Variants in RERG observed in about 807,000 individuals in gnomAD.
RERG encodes ras-related and estrogen-regulated growth inhibitor.
Under a neutral mutation model 23.2 loss-of-function variants are expected in RERG, and 25 were observed. That is an observed-to-expected ratio of 1.08 (90% CI 0.79 to 1.50). RERG has a LOEUF of 1.50. Ranked by LOEUF, RERG falls within the 40% of genes most tolerant of loss-of-function variation. The probability of loss-of-function intolerance (pLI) is 0.00; values close to 1 mark genes in which losing one functional copy is unlikely to be tolerated. For missense variants in RERG, 253 were observed against 250.1 expected, an observed-to-expected ratio of 1.01 and a Z score of -0.08; for synonymous variants, 81 against 89.1, an observed-to-expected ratio of 0.91 and a Z score of 0.51.
At chr12:15,184,535 A>G (rs1271620421) in intron 2 of RERG, among the ~76,000 whole-genome samples, 1 of 152,182 alleles carries the variant, frequency 6.6e-6, no homozygotes, top group African/African-American at 2.4e-5. Context: ...CCCCACTTAC[A>G]CTACATGATC....
chr12:15,151,860 T>C (rs1043651642), intron 2 of RERG: 8 of 152,214 alleles, frequency 5.3e-5, no homozygotes, highest in African/African-American at 1.9e-4. Context: ...ATGAACTGCA[T>C]GCTACCCTTA....
intron 3 of RERG, among the ~76,000 whole-genome samples, chr12:15,119,437 T>C (rs1289873905): frequency 6.6e-6 from 1 of 152,282 alleles, no homozygotes; most frequent in East Asian, 1.9e-4. Flanking sequence ...TTGAGATATA[T>C]GGATACAGCA....
At chr12:15,195,487 A>C (rs1295891209) in intron 2 of RERG, among the ~76,000 whole-genome samples, 1 of 151,528 alleles carries the variant, frequency 6.6e-6, no homozygotes, top group Non-Finnish European at 1.5e-5. Flanking sequence ...AAGATTATGT[A>C]TTCCAGTTCC....
chr12:15,161,198 G>GAAAGAAAGA (rs1864606444), intron 2 of RERG, among the ~76,000 whole-genome samples: 1 of 146,434 alleles, frequency 6.8e-6, no homozygotes, highest in Non-Finnish European at 1.5e-5. Context: ...AAGAAAGAAA[G>GAAAGAAAGA]AAAGAAAGAA....
intron 2 of RERG, among the ~76,000 whole-genome samples, chr12:15,154,873 T>C (rs1415374696): frequency 6.6e-6 from 1 of 152,238 alleles, no homozygotes; most frequent in African/African-American, 2.4e-5. Flanking sequence ...TAATATTTGA[T>C]GGAGGAGCTT....
At chr12:15,158,293 T>C (rs1206916160) in intron 2 of RERG, among the ~76,000 whole-genome samples, 3 of 151,982 alleles carry the variant, frequency 2.0e-5, no homozygotes, top group Non-Finnish European at 2.9e-5. Flanking sequence ...GTTTTTTTGT[T>C]TTTTTTTAGA....
intron 4 of RERG, 79 bp from the exon 5 acceptor site, chr12:15,109,596 G>T: frequency 1.8e-6 from 2 of 1,096,414 alleles, no homozygotes; most frequent in Non-Finnish European, 2.6e-6. Context: ...TGACAGTAAT[G>T]CCTTAATTAC....
chr12:15,179,684 A>G (rs543316526), intron 2 of RERG, among the ~76,000 whole-genome samples: 82 of 152,348 alleles, frequency 5.4e-4, no homozygotes, highest in Middle Eastern at 3.4e-3. Context: ...GAAAATGCCT[A>G]CGGGTTTTTG....
Position 15,133,997 on chromosome 12 carries a change from C to T in RERG, c.62-12878G>A, listed in dbSNP as rs557296279. 3.3e-5 allele frequency among the ~76,000 whole-genome samples: 5 copies of T among 152,114 alleles called. No individual in the cohort carries two copies. The East Asian group carries it at 7.7e-4, about 23-fold the overall frequency. On this transcript the variant is annotated intron_variant, in intron 2 of 4. Coordinates refer to ENST00000256953, the MANE Select transcript of RERG (RefSeq NM_032918.3). ...GAAGTTCTTTGCATATTTTAGATCA[C>T]AGTCCTTTATCAATTATGTCTTTGG...
At position 15,164,096 on chromosome 12, in the gene RERG, G is replaced by C. The variant is rs1405578934; in HGVS notation, c.62-42977C>G. ...GCAGGGAAAGAGCAAGAATGGATGA[G>C]GTTACTCAGTTAATTGACTAGCACA... On this transcript the variant is annotated intron_variant, in intron 2 of 4. Coordinates refer to ENST00000256953, the MANE Select transcript of RERG (RefSeq NM_032918.3). Among the ~76,000 whole-genome samples, 3 of 152,142 alleles carry C rather than the reference G, an allele frequency of 2.0e-5. No homozygotes were observed. The East Asian group carries it at 5.8e-4, about 29-fold the overall frequency.
At chr12:15,190,402 C>T (rs1455619432) in intron 2 of RERG, among the ~76,000 whole-genome samples, 2 of 152,092 alleles carry the variant, frequency 1.3e-5, no homozygotes, top group African/African-American at 4.8e-5. Context: ...GGGCTATATG[C>T]TGTGCACAGG....
chr12:15,205,841 GTTCT>G (rs1049336939), intron 2 of RERG, among the ~76,000 whole-genome samples: 57 of 152,158 alleles, frequency 3.7e-4, no homozygotes, highest in Middle Eastern at 6.8e-3. Flanking sequence ...CAACACTGCT[GTTCT>G]TTCTATCTAC....
At chr12:15,191,157 C>T (rs1227322459) in intron 2 of RERG, among the ~76,000 whole-genome samples, 1 of 152,132 alleles carries the variant, frequency 6.6e-6, no homozygotes, top group Non-Finnish European at 1.5e-5. Flanking sequence ...GCCTGTCACA[C>T]CCACACAAGG....
intron 1 of RERG, among the ~76,000 whole-genome samples, chr12:15,218,641 C>T (rs1865474911): frequency 6.6e-6 from 1 of 151,900 alleles, no homozygotes. Flanking sequence ...CTCATTTGTC[C>T]TCATTTCTCT....
chr12:15,185,384 ACTCACAGAGAAG>A (rs1864975947), intron 2 of RERG, among the ~76,000 whole-genome samples: 1 of 152,074 alleles, frequency 6.6e-6, no homozygotes, highest in South Asian at 2.1e-4. Flanking sequence ...GGACTCAGAA[ACTCACAGAGAAG>A]CTCTTTAGGG....
chr12:15,219,347 T>C (rs1865484904), intron 1 of RERG, among the ~76,000 whole-genome samples: 1 of 152,244 alleles, frequency 6.6e-6, no homozygotes, highest in Non-Finnish European at 1.5e-5. Flanking sequence ...TATCATCCTG[T>C]ACCTAATAAG....
intron 2 of RERG, among the ~76,000 whole-genome samples, chr12:15,131,770 T>C (rs562356320): frequency 6.6e-6 from 1 of 152,318 alleles, no homozygotes; most frequent in African/African-American, 2.4e-5. Flanking sequence ...TTCCTGTCCA[T>C]ATGGACACAT....
intron 2 of RERG, among the ~76,000 whole-genome samples, chr12:15,177,771 G>A (rs1487997711): frequency 6.7e-6 from 1 of 149,552 alleles, no homozygotes; most frequent in Admixed American, 6.7e-5. Flanking sequence ...TAAGAAGAAT[G>A]TGAGGAACAA....
chr12:15,163,405 C>T (rs997287889), intron 2 of RERG, among the ~76,000 whole-genome samples: 1 of 152,066 alleles, frequency 6.6e-6, no homozygotes, highest in African/African-American at 2.4e-5. Flanking sequence ...CCCAAAAGAA[C>T]TAAGATTCGA....
Sources: allele counts gnomAD v4.1 joint callset (sites outside exome capture counted in the v4.1 genomes callset), GRCh38; gene constraint gnomAD v4.1.1; transcripts MANE v1.5; gene names NCBI Gene and HGNC (gene_info 2026-07-23, HGNC 2026-07-21).